The following THSD7B variants were observed in gnomAD, a reference collection of about 807,000 sequenced individuals.
The protein encoded by THSD7B is thrombospondin type 1 domain containing 7B, also known as thrombospondin type-1 domain-containing protein 7B.
Under a neutral mutation model 213.6 loss-of-function variants are expected in THSD7B, and 138 were observed. The observed-to-expected ratio is 0.65, with a 90% CI of 0.56 to 0.74. THSD7B has a LOEUF of 0.74. Ranked by LOEUF, THSD7B falls within the 30% of genes least tolerant of loss-of-function variation. The pLI is 0.00. For synonymous variants in THSD7B, 742 were observed against 687.0 expected (o/e 1.08, Z -1.25); for missense variants, 1,931 against 1,991.5 (o/e 0.97, Z 0.58).
intron 15 of THSD7B, among the ~76,000 whole-genome samples, chr2:137,534,014 GCGCGCA>G (rs1558830037): frequency 8.1e-6 from 1 of 122,824 alleles, no homozygotes; most frequent in African/African-American, 3.7e-5. Flanking sequence ...GTGTGTGTGT[GCGCGCA>G]CACACACACA....
At chr2:137,590,799 T>G (rs1045516822) in intron 17 of THSD7B, among the ~76,000 whole-genome samples, 17 of 146,240 alleles carry the variant, frequency 1.2e-4, no homozygotes, top group African/African-American at 3.3e-4. Context: ...ATAGTTTTTT[T>G]TTTTTTTTTT....
chr2:137,132,553 C>A (rs1265671751), intron 5 of THSD7B, among the ~76,000 whole-genome samples: 1 of 152,098 alleles, frequency 6.6e-6, no homozygotes. Context: ...TAGCTCTCTG[C>A]TAATCCTTCT....
chr2:136,788,211 C>T (rs1321511261), intron 1 of THSD7B, among the ~76,000 whole-genome samples: 1 of 152,140 alleles, frequency 6.6e-6, no homozygotes, highest in Admixed American at 6.5e-5. Context: ...TTAAAGTGCC[C>T]GCTGGGAGAG....
At chr2:137,330,113 G>T (rs1684466846) in intron 12 of THSD7B, among the ~76,000 whole-genome samples, 1 of 152,178 alleles carries the variant, frequency 6.6e-6, no homozygotes. Flanking sequence ...AAGATTTGAG[G>T]TTTGGGAACC....
At chr2:137,489,762 A>C (rs1390918290) in intron 15 of THSD7B, among the ~76,000 whole-genome samples, 1 of 152,198 alleles carries the variant, frequency 6.6e-6, no homozygotes, top group Non-Finnish European at 1.5e-5. Context: ...ATATATCCTC[A>C]ATATGGAATG....
At chr2:137,424,509 G>A (rs1437468591) in intron 14 of THSD7B, among the ~76,000 whole-genome samples, 1 of 152,074 alleles carries the variant, frequency 6.6e-6, no homozygotes, top group Non-Finnish European at 1.5e-5. Context: ...AAATTCAATA[G>A]CACATTAAAA....
intron 1 of THSD7B, among the ~76,000 whole-genome samples, chr2:136,773,515 A>T (rs1681547172): frequency 6.6e-6 from 1 of 152,150 alleles, no homozygotes. Flanking sequence ...CAATGTATAC[A>T]AAATATTGCC....
chr2:137,666,537 TCC>T (rs66990282), intron 26 of THSD7B, among the ~76,000 whole-genome samples: 40 of 145,918 alleles, frequency 2.7e-4, no homozygotes, highest in South Asian at 1.3e-3. Flanking sequence ...TTGATTGATT[TCC>T]CCCCCCCATA....
At chr2:137,597,621 C>A (rs950772678) in intron 17 of THSD7B, among the ~76,000 whole-genome samples, 1 of 152,000 alleles carries the variant, frequency 6.6e-6, no homozygotes, top group Non-Finnish European at 1.5e-5. Flanking sequence ...AACATATAGT[C>A]AGGACAACTG....
At chr2:137,671,960 A>T (rs1237953359) in intron 27 of THSD7B, among the ~76,000 whole-genome samples, 1 of 152,154 alleles carries the variant, frequency 6.6e-6, no homozygotes, top group Non-Finnish European at 1.5e-5. Flanking sequence ...TTGTCGTGGT[A>T]GTTACCCCAT....
intron 1 of THSD7B, among the ~76,000 whole-genome samples, chr2:136,789,959 G>A (rs1681932626): frequency 6.6e-6 from 1 of 152,086 alleles, no homozygotes; most frequent in African/African-American, 2.4e-5. Flanking sequence ...TCTGTAGACA[G>A]ATTTTGTCTT....
At chr2:137,502,415 G>A (rs927068704) in intron 15 of THSD7B, among the ~76,000 whole-genome samples, 2 of 152,030 alleles carry the variant, frequency 1.3e-5, no homozygotes, top group Admixed American at 6.5e-5. Context: ...TAGAAAAAGA[G>A]AGAAAAACAA....
At chr2:137,115,852 A>T (rs981603434) in intron 5 of THSD7B, among the ~76,000 whole-genome samples, 4 of 152,126 alleles carry the variant, frequency 2.6e-5, no homozygotes, top group East Asian at 3.9e-4. Flanking sequence ...GAGTGTGGAT[A>T]GTGATAATAT....
At chr2:137,529,322 A>G (rs1680337796) in intron 15 of THSD7B, among the ~76,000 whole-genome samples, 1 of 152,088 alleles carries the variant, frequency 6.6e-6, no homozygotes, top group African/African-American at 2.4e-5. Context: ...TGGGAATACA[A>G]TGATACAAAG....
intron 2 of THSD7B, among the ~76,000 whole-genome samples, chr2:136,950,298 C>G (rs1685014322): frequency 6.6e-6 from 1 of 152,020 alleles, no homozygotes; most frequent in African/African-American, 2.4e-5. Flanking sequence ...AAAATAAACA[C>G]AAACCTTCAG....
chr2:137,607,895 TA>T (rs1682213937), intron 17 of THSD7B, among the ~76,000 whole-genome samples: 1 of 152,198 alleles, frequency 6.6e-6, no homozygotes, highest in Non-Finnish European at 1.5e-5. Context: ...CTGCCTATTA[TA>T]AAATCTTCAC....
At chr2:137,096,960 C>T (rs539114597) in intron 4 of THSD7B, among the ~76,000 whole-genome samples, 1 of 152,250 alleles carries the variant, frequency 6.6e-6, no homozygotes, top group East Asian at 1.9e-4. Flanking sequence ...TTTGTTTCCT[C>T]CAGAAAGAGA....
chr2:136,849,714 T>C (rs942517850), intron 1 of THSD7B, among the ~76,000 whole-genome samples: 5 of 152,156 alleles, frequency 3.3e-5, no homozygotes, highest in Non-Finnish European at 5.9e-5. Flanking sequence ...TGCACTCAAA[T>C]AGCCTTCCAG....
intron 10 of THSD7B, among the ~76,000 whole-genome samples, chr2:137,263,262 AATATAT>A (rs199954462): frequency 6.6e-6 from 1 of 151,032 alleles, no homozygotes; most frequent in Non-Finnish European, 1.5e-5. Flanking sequence ...CTATATATAT[AATATAT>A]ATATATACAC....
Sources: gnomAD v4.1 joint callset for allele counts (sites outside exome capture counted in the v4.1 genomes callset) on GRCh38, gnomAD v4.1.1 for gene constraint, MANE v1.5 for transcripts, NCBI Gene and HGNC (gene_info 2026-07-23, HGNC 2026-07-21) for gene names.